Variants in GALNT17 observed in about 807,000 individuals in gnomAD.
GALNT17 encodes polypeptide N-acetylgalactosaminyltransferase 17.
Under a neutral mutation model 63.7 loss-of-function variants are expected in GALNT17, and 29 were observed. The observed-to-expected ratio is 0.46, with a 90% confidence interval of 0.34 to 0.62. GALNT17 has a LOEUF of 0.62. GALNT17 is among the 20% of genes least tolerant of loss of function. GALNT17 has a pLI of 0.01. For synonymous variants in GALNT17, 305 were observed against 318.3 expected, an observed-to-expected ratio of 0.96 and a Z score of 0.45; for missense variants, 603 against 799.6, an observed-to-expected ratio of 0.75 and a Z score of 2.97.
chr7:71,568,371 T>C (rs1325599530), intron 5 of GALNT17, among the ~76,000 whole-genome samples: 1 of 152,190 alleles, frequency 6.6e-6, no homozygotes, highest in Non-Finnish European at 1.5e-5. Context: ...GCTTTGCATC[T>C]TGTGCTTGAG....
intron 6 of GALNT17, among the ~76,000 whole-genome samples, chr7:71,607,523 G>T (rs58904626): frequency 1.3e-5 from 2 of 151,896 alleles, no homozygotes; most frequent in African/African-American, 4.8e-5. Context: ...AAACAGGGTG[G>T]CAGGTAATAA....
intron 5 of GALNT17, among the ~76,000 whole-genome samples, chr7:71,504,923 G>T (rs1209251169): frequency 6.6e-6 from 1 of 151,986 alleles, no homozygotes; most frequent in Non-Finnish European, 1.5e-5. Flanking sequence ...GGGTCTCTCT[G>T]CTGTAGCCTT....
At chr7:71,336,219 A>AT (rs1791904100) in intron 2 of GALNT17, among the ~76,000 whole-genome samples, 1 of 151,468 alleles carries the variant, frequency 6.6e-6, no homozygotes, top group African/African-American at 2.4e-5. Context: ...CTAATTTTGT[A>AT]TTTTTAGTAG....
chr7:71,363,791 G>A (rs1031144189), intron 2 of GALNT17, among the ~76,000 whole-genome samples: 1 of 152,196 alleles, frequency 6.6e-6, no homozygotes, highest in South Asian at 2.1e-4. Context: ...GAAAACAGAA[G>A]CAAGGTAGAG....
chr7:71,468,279 A>G (rs1454150624), intron 5 of GALNT17, among the ~76,000 whole-genome samples: 2 of 151,930 alleles, frequency 1.3e-5, no homozygotes, highest in Admixed American at 6.6e-5. Context: ...ATCCTCCTGT[A>G]TCATCCTCCC....
At chr7:71,492,058 G>A (rs979559642) in intron 5 of GALNT17, among the ~76,000 whole-genome samples, 1 of 152,146 alleles carries the variant, frequency 6.6e-6, no homozygotes, top group Non-Finnish European at 1.5e-5. Context: ...AAGGTGGGCA[G>A]ATCATGAGGT....
chr7:71,296,379 T>A (rs75767613), intron 1 of GALNT17, among the ~76,000 whole-genome samples: 3,959 of 152,226 alleles, frequency 0.026, 91 homozygotes, highest in East Asian at 0.13. Flanking sequence ...TTTGGGAGGC[T>A]GAGGCAGGTG....
At chr7:71,165,876 A>G (rs1788431540) in intron 1 of GALNT17, among the ~76,000 whole-genome samples, 1 of 152,124 alleles carries the variant, frequency 6.6e-6, no homozygotes, top group Admixed American at 6.5e-5. Flanking sequence ...GTGACTATGT[A>G]AATAAACCTC....
At chr7:71,491,454 C>T (rs1788006040) in intron 5 of GALNT17, among the ~76,000 whole-genome samples, 1 of 152,146 alleles carries the variant, frequency 6.6e-6, no homozygotes, top group Admixed American at 6.6e-5. Context: ...GAAGCACACA[C>T]CATTATTTAT....
At chr7:71,352,994 G>C (rs1792216388) in intron 2 of GALNT17, among the ~76,000 whole-genome samples, 1 of 151,894 alleles carries the variant, frequency 6.6e-6, no homozygotes, top group Non-Finnish European at 1.5e-5. Flanking sequence ...TGATTAAGGA[G>C]TGAATGGGAG....
chr7:71,144,874 G>T (rs965338256), intron 1 of GALNT17, among the ~76,000 whole-genome samples: 5 of 152,158 alleles, frequency 3.3e-5, no homozygotes, highest in African/African-American at 1.2e-4. Context: ...GACTACAGGT[G>T]CATGCCACCA....
intron 5 of GALNT17, among the ~76,000 whole-genome samples, chr7:71,526,489 ATTTTTATTTTTTAT>A (rs369923442): frequency 4.6e-5 from 7 of 152,046 alleles, no homozygotes; most frequent in Non-Finnish European, 7.4e-5. Flanking sequence ...GTTACATGGA[ATTTTTATTTTTTAT>A]TTTTTATTTT....
At chr7:71,450,029 G>A (rs2116545992) in intron 5 of GALNT17, among the ~76,000 whole-genome samples, 1 of 107,426 alleles carries the variant, frequency 9.3e-6, no homozygotes, top group African/African-American at 3.7e-5. Context: ...GCAACAAAGA[G>A]CGAAACTCCC....
intron 1 of GALNT17, among the ~76,000 whole-genome samples, chr7:71,233,021 T>C (rs1206834611): frequency 6.6e-6 from 1 of 152,164 alleles, no homozygotes; most frequent in Non-Finnish European, 1.5e-5. Context: ...CCCTGTGAAG[T>C]AGGTTCTACT....
At chr7:71,160,488 C>T (rs998906623) in intron 1 of GALNT17, among the ~76,000 whole-genome samples, 8 of 151,872 alleles carry the variant, frequency 5.3e-5, no homozygotes, top group East Asian at 1.9e-4. Context: ...GACTGAGTTT[C>T]GCTCTTGTTG....
At chr7:71,520,746 C>T (rs1488259802) in intron 5 of GALNT17, among the ~76,000 whole-genome samples, 1 of 151,942 alleles carries the variant, frequency 6.6e-6, no homozygotes, top group Non-Finnish European at 1.5e-5. Flanking sequence ...GATTACTAGG[C>T]TTGAGGTGGG....
intron 1 of GALNT17, among the ~76,000 whole-genome samples, chr7:71,232,289 C>T (rs142300400): frequency 8.5e-5 from 13 of 152,286 alleles, no homozygotes; most frequent in African/African-American, 3.1e-4. Context: ...ACCACTGCCC[C>T]CACCCCACCA....
At chr7:71,316,789 C>T (rs1033222098) in intron 1 of GALNT17, among the ~76,000 whole-genome samples, 3 of 152,184 alleles carry the variant, frequency 2.0e-5, no homozygotes, top group Non-Finnish European at 4.4e-5. Flanking sequence ...CGTCCATTCC[C>T]TGAAGCTCCT....
chr7:71,145,527 T>C (rs1788000620), intron 1 of GALNT17, among the ~76,000 whole-genome samples: 1 of 152,012 alleles, frequency 6.6e-6, no homozygotes, highest in Non-Finnish European at 1.5e-5. Context: ...AATAAATAGA[T>C]AAAAAATAGG....
Sources: gnomAD v4.1 joint callset for allele counts (sites outside exome capture counted in the v4.1 genomes callset) on GRCh38, gnomAD v4.1.1 for gene constraint, MANE v1.5 for transcripts, NCBI Gene and HGNC (gene_info 2026-07-23, HGNC 2026-07-21) for gene names.